ZNF718: variants seen among roughly 807,000 people sequenced by gnomAD.
The protein encoded by ZNF718 is zinc finger protein 718.
A neutral mutation model predicts 2.6 loss-of-function variants in ZNF718; 3 were observed. That is an observed-to-expected ratio of 1.16 (90% CI 0.53 to 3.01). ZNF718 has a LOEUF of 3.01. Among genes scored for constraint, ZNF718 ranks in the 30% most tolerant of loss-of-function variants. The probability of loss-of-function intolerance (pLI) is 0.03; values close to 1 mark genes in which losing one functional copy is unlikely to be tolerated. For synonymous variants in ZNF718, 135 were observed against 77.9 expected (o/e 1.73, Z -3.86); for missense variants, 468 against 230.0 (o/e 2.03, Z -6.69).
chr4:137,930 TGTAGAGTTA>T (rs1715645163), intron 3 of ZNF718, among the ~76,000 whole-genome samples: 1 of 152,208 alleles, frequency 6.6e-6, no homozygotes. Flanking sequence ...TTCCAAAAAT[TGTAGAGTTA>T]TGCTTCTTAC....
chr4:169,369 G>A (rs1219009413), intron 3 of ZNF718, among the ~76,000 whole-genome samples: 1 of 152,132 alleles, frequency 6.6e-6, no homozygotes, highest in African/African-American at 2.4e-5. Context: ...TATTAGGTCT[G>A]CTTGGTGCAG....
Position 170,250 on chromosome 4 carries a change from A to T in ZNF718, c.227-30831A>T, listed in dbSNP as rs1717193911. On this transcript the variant is annotated intron_variant and NMD_transcript_variant, in intron 3 of 4. Transcript: ENST00000642529. ...TCTGATGGGCTTCCCTTTGTGGGTAACCCGACCTTTCTCTCTGGCTGCCCT... is the reference window on the plus strand; with the variant it reads ...TCTGATGGGCTTCCCTTTGTGGGTATCCCGACCTTTCTCTCTGGCTGCCCT... Among the ~76,000 whole-genome samples, 4 of 152,254 alleles carry T rather than the reference A, an allele frequency of 2.6e-5. No homozygotes were observed. In the South Asian group the frequency reaches 8.3e-4, roughly 32 times the overall value.
At chr4:158,707 G>GT (rs1553814219) in intron 3 of ZNF718, among the ~76,000 whole-genome samples, 3 of 151,416 alleles carry the variant, frequency 2.0e-5, no homozygotes, top group African/African-American at 7.3e-5. Flanking sequence ...ATGATTAAGG[G>GT]GTTTTTTTGT....
chr4:160,255 C>T (rs1039209125), intron 3 of ZNF718, among the ~76,000 whole-genome samples: 5 of 152,250 alleles, frequency 3.3e-5, no homozygotes, highest in Non-Finnish European at 7.4e-5. Flanking sequence ...GCAGTTTACT[C>T]CTAAAGCACA....
intron 3 of ZNF718, among the ~76,000 whole-genome samples, chr4:172,617 T>G (rs1352183591): frequency 2.0e-5 from 3 of 152,160 alleles, no homozygotes; most frequent in African/African-American, 7.2e-5. Flanking sequence ...ACAAGCAACT[T>G]TGACTTCAGA....
In ZNF718 at chr4:161,331, A is replaced by C; in HGVS notation, c.646A>C (p.Lys216Gln). 1 of 780,372 alleles carries C rather than the reference A, an allele frequency of 1.3e-6. No individual in the cohort carries two copies. Among genetic ancestry groups the C allele is most frequent in the South Asian group, 1.3e-5 (1 of 74,508 alleles). 48.3% of individuals were successfully genotyped at this position (780,372 alleles called of 1,614,324 possible). A position where few individuals can be genotyped will look rare whatever the true frequency, so the allele number is the denominator to read the frequency against. ...CTTTAATTGGTCCTCAATTCTTACT[A>C]AACATAAGAGAATTCATGCCAGAGA... The part of the protein sequence containing the change: ...KAFNWSSILT[K>Q]HKRIHAREKF... The change falls in exon 4 of 4, where the codon AAA (lysine) becomes CAA (glutamine). Residue 216 changes from lysine to glutamine, a missense_variant. Transcript: ENST00000510175.
At chr4:124,805 G>A in intron 1 of ZNF718, 132 bp downstream of exon 1, 1 of 1,259,698 alleles carries the variant, frequency 7.9e-7, no homozygotes, top group Non-Finnish European at 1.1e-6. Flanking sequence ...TCCGGTGAGG[G>A]ACCCGCGCTC....
chr4:188,030 C>G (rs187984246), intron 3 of ZNF718, among the ~76,000 whole-genome samples: 2 of 152,170 alleles, frequency 1.3e-5, no homozygotes, highest in African/African-American at 4.8e-5. Context: ...TGCCATGCCT[C>G]GACAAAACAG....
At chr4:145,769 A>T (rs1180490381) in intron 3 of ZNF718, among the ~76,000 whole-genome samples, 2 of 152,150 alleles carry the variant, frequency 1.3e-5, no homozygotes, top group Admixed American at 6.5e-5. Context: ...TTCTTTTTTT[A>T]AAAAAACCAA....
chr4:126,451 T>C (rs6841571), intron 1 of ZNF718, among the ~76,000 whole-genome samples: 80,154 of 152,146 alleles, frequency 0.53, 21,453 homozygotes, highest in East Asian at 0.78. Flanking sequence ...TTGGGAACTA[T>C]TGCTTTGAAA....
chr4:136,717 T>G (rs764821544), intron 3 of ZNF718, among the ~76,000 whole-genome samples: 7 of 152,238 alleles, frequency 4.6e-5, no homozygotes, highest in African/African-American at 1.7e-4. Context: ...TAGTATCTTA[T>G]TTCACTTAAA....
chr4:147,036 T>G (rs556334541), intron 3 of ZNF718, among the ~76,000 whole-genome samples: 1 of 152,126 alleles, frequency 6.6e-6, no homozygotes, highest in East Asian at 1.9e-4. Context: ...AGTGGGGTGA[T>G]CTTGACTCAC....
At chr4:194,570 G>A (rs534425869) in intron 3 of ZNF718, among the ~76,000 whole-genome samples, 3 of 152,246 alleles carry the variant, frequency 2.0e-5, no homozygotes, top group South Asian at 2.1e-4. Flanking sequence ...TACAGTTATG[G>A]TGGCACTTCT....
At chr4:187,029 T>C (rs1372208437) in intron 3 of ZNF718, among the ~76,000 whole-genome samples, 1 of 152,148 alleles carries the variant, frequency 6.6e-6, no homozygotes, top group Non-Finnish European at 1.5e-5. Flanking sequence ...CTTCTTATCT[T>C]TGTGGGCTTA....
At chr4:134,471 C>T (rs1553808977) in intron 3 of ZNF718, among the ~76,000 whole-genome samples, 2 of 152,156 alleles carry the variant, frequency 1.3e-5, no homozygotes, top group African/African-American at 4.8e-5. Context: ...TTTAAGGTTA[C>T]ACTTAAGTTT....
downstream of ZNF718, among the ~76,000 whole-genome samples, chr4:166,357 A>G (rs1717087311): frequency 1.3e-5 from 2 of 152,194 alleles, no homozygotes; most frequent in African/African-American, 4.8e-5. Flanking sequence ...TCCTTTGGGT[A>G]TATACCCAGT....
chr4:133,367 C>G (rs1553808697), intron 3 of ZNF718, among the ~76,000 whole-genome samples: 2 of 151,908 alleles, frequency 1.3e-5, no homozygotes, highest in African/African-American at 4.8e-5. Flanking sequence ...TATCTACTCA[C>G]CTTCTAGATT....
chr4:158,040 T>G (rs1316064099), intron 3 of ZNF718, among the ~76,000 whole-genome samples: 1 of 152,170 alleles, frequency 6.6e-6, no homozygotes, highest in Non-Finnish European at 1.5e-5. Flanking sequence ...CACATTAATA[T>G]GTATATATAC....
intron 3 of ZNF718, among the ~76,000 whole-genome samples, chr4:177,692 G>C (rs1028365730): frequency 6.6e-6 from 1 of 152,066 alleles, no homozygotes; most frequent in Non-Finnish European, 1.5e-5. Flanking sequence ...ATTTTCTCTG[G>C]AGACTGCAAG....
Sources: allele counts gnomAD v4.1 joint callset (sites outside exome capture counted in the v4.1 genomes callset), GRCh38; gene constraint gnomAD v4.1.1; transcripts MANE v1.5; gene names NCBI Gene and HGNC (gene_info 2026-07-23, HGNC 2026-07-21).